CPPED1: variants seen among roughly 807,000 people sequenced by gnomAD.
The protein encoded by CPPED1 is serine/threonine-protein phosphatase CPPED1.
CPPED1 carries 28 observed loss-of-function variants against 28.0 expected under a neutral mutation model. The ratio of observed to expected loss-of-function variants is 1.00; its 90% CI spans 0.74 to 1.37. The LOEUF is 1.37. Among genes scored for constraint, CPPED1 ranks in the 40% most tolerant of loss-of-function variants. The probability of loss-of-function intolerance (pLI) is 0.00; values close to 1 mark genes in which losing one functional copy is unlikely to be tolerated. For missense variants in CPPED1, 504 were observed against 416.5 expected, an observed-to-expected ratio of 1.21 and a Z score of -1.83; for synonymous variants, 198 against 180.2, an observed-to-expected ratio of 1.10 and a Z score of -0.79.
At chr16:12,697,888 G>A (rs2080000301) in intron 3 of CPPED1, among the ~76,000 whole-genome samples, 1 of 152,132 alleles carries the variant, frequency 6.6e-6, no homozygotes, top group South Asian at 2.1e-4. Flanking sequence ...AAGGTGAGCG[G>A]ATCACTTGAG....
At chr16:12,665,192 G>C (rs2141163160) in intron 3 of CPPED1, 77 bp from the exon 4 acceptor site, 4 of 1,261,320 alleles carry the variant, frequency 3.2e-6, no homozygotes, top group Non-Finnish European at 4.4e-6. Context: ...ATTTTATTCT[G>C]TGAACAGTAA....
intron 3 of CPPED1, 29 bp from the exon 4 acceptor site, chr16:12,665,144 G>A (rs776301023): frequency 6.3e-7 from 1 of 1,576,186 alleles, no homozygotes. Flanking sequence ...GTCATTAGGG[G>A]GCCGAGGACT....
At chr16:12,714,962 T>A (rs80096928) in intron 2 of CPPED1, among the ~76,000 whole-genome samples, 5,151 of 151,886 alleles carry the variant, frequency 0.034, 132 homozygotes, top group East Asian at 0.1. Flanking sequence ...TGAGTTCATT[T>A]TTTTTTTTAA....
intron 3 of CPPED1, among the ~76,000 whole-genome samples, chr16:12,695,683 C>T (rs2079986154): frequency 1.3e-5 from 2 of 152,204 alleles, no homozygotes; most frequent in South Asian, 4.1e-4. Context: ...CAATCACAGG[C>T]AGTCAACTGT....
chr16:12,698,120 CA>C (rs1023136473), intron 3 of CPPED1, among the ~76,000 whole-genome samples: 2 of 151,538 alleles, frequency 1.3e-5, no homozygotes, highest in South Asian at 2.1e-4. Context: ...CAACCCCCAC[CA>C]AAAAAAAGTC....
Position 12,664,826 on chromosome 16 carries a change from T to C in CPPED1, c.*60A>G, listed in dbSNP as rs2079815613. 6.2e-7 allele frequency: 1 copy of C among 1,603,626 alleles called. No homozygotes were observed. Among genetic ancestry groups the C allele is most frequent in the Non-Finnish European group, 8.5e-7 (1 of 1,177,268 alleles). On this transcript the variant is annotated 3_prime_UTR_variant, in exon 4 of 4. Coordinates refer to ENST00000381774, the MANE Select transcript of CPPED1 (RefSeq NM_018340.3). The surrounding 1 kb of genome is among the most constrained non-coding windows in gnomAD (Gnocchi z 4.2). The stretch of plus-strand genomic sequence containing the variant: ...TCAGCAAGAGGTTGTGTGCAGCTGC[T>C]GTTTCTGGCAAAATAAAAAAATAGT...
Position 12,770,860 on chromosome 16 carries a change from G to GAAGGA in CPPED1, c.289+10320_289+10324dup, listed in dbSNP as rs371173782. ...AGGGCAGAAGGAAAGGAAAGGGAGAGAAGGAAAGGAAAGGAAAGGAAAGGA... is the reference window on the plus strand; with the variant it reads ...AGGGCAGAAGGAAAGGAAAGGGAGAGAAGGAAAGGAAAGGAAAGGAAAGGAAAGGA... On this transcript the variant is annotated intron_variant, in intron 2 of 3. Transcript: ENST00000381774. 6.3e-4 allele frequency among the ~76,000 whole-genome samples: 59 copies of GAAGGA among 93,932 alleles called. 1 individual carries two copies. The highest frequency in any genetic ancestry group is 1.4e-3 in the African/African-American group (41 of 28,646). The allele number at this position is 93,932 out of a possible 152,430, so 61.6% of individuals were successfully genotyped here. A position where few individuals can be genotyped will look rare whatever the true frequency, so the allele number is the denominator to read the frequency against.
At chr16:12,801,937 G>C (rs2080662429) in intron 1 of CPPED1, among the ~76,000 whole-genome samples, 1 of 152,158 alleles carries the variant, frequency 6.6e-6, no homozygotes, top group South Asian at 2.1e-4. Flanking sequence ...AAGCTGTCCT[G>C]AGAAAAGGAG....
chr16:12,766,124 C>T (rs559272307), intron 2 of CPPED1, among the ~76,000 whole-genome samples: 3 of 151,926 alleles, frequency 2.0e-5, no homozygotes, highest in South Asian at 2.1e-4. Context: ...CTGCAGAAGG[C>T]GTTCATTAGC....
intron 2 of CPPED1, among the ~76,000 whole-genome samples, chr16:12,775,800 T>A (rs1480408619): frequency 6.6e-6 from 1 of 152,160 alleles, no homozygotes. Context: ...GGAAAAGCAA[T>A]TCACTGCTCT....
chr16:12,726,333 C>A (rs2080169802), intron 2 of CPPED1, among the ~76,000 whole-genome samples: 1 of 133,770 alleles, frequency 7.5e-6, no homozygotes, highest in Non-Finnish European at 1.6e-5. Context: ...AGCCACTGCA[C>A]CCAGCCCTTT....
intron 1 of CPPED1, among the ~76,000 whole-genome samples, chr16:12,788,903 G>C (rs2080580011): frequency 6.6e-6 from 1 of 152,210 alleles, no homozygotes; most frequent in Admixed American, 6.5e-5. Flanking sequence ...GCACAGGGTT[G>C]ATTTGAGGCA....
intron 3 of CPPED1, among the ~76,000 whole-genome samples, chr16:12,681,351 C>T (rs745631981): frequency 1.3e-5 from 2 of 152,164 alleles, no homozygotes; most frequent in East Asian, 3.9e-4. Context: ...TTCCTCCTCA[C>T]TCTTGCCAGG....
Position 12,667,093 on chromosome 16 carries a change from G to A in CPPED1, c.716-1978C>T, listed in dbSNP as rs140973224. ...GAGGTAATGAAAACCACTAGAGAGA[G>A]AGAAGTTAGTCAAGAGAGAAAGAAT... On this transcript the variant is annotated intron_variant, in intron 3 of 3. Transcript: ENST00000381774. Among the ~76,000 whole-genome samples, 749 of 151,924 alleles carry A rather than the reference G, an allele frequency of 4.9e-3. 2 individuals carry two copies. Among genetic ancestry groups the A allele is most frequent in the Middle Eastern group, 0.01 (3 of 294 alleles).
At chr16:12,778,630 G>A (rs774279990) in intron 2 of CPPED1, among the ~76,000 whole-genome samples, 4 of 152,182 alleles carry the variant, frequency 2.6e-5, no homozygotes, top group Non-Finnish European at 5.9e-5. Context: ...GATTTTATTT[G>A]CCTATTAATA....
At chr16:12,754,532 G>A (rs7184792) in intron 2 of CPPED1, among the ~76,000 whole-genome samples, 119,484 of 152,188 alleles carry the variant, frequency 0.79, 47,423 homozygotes, top group African/African-American at 0.9. Context: ...TTATAAGCAG[G>A]TTCTTCATCT....
chr16:12,791,083 T>C (rs1357046743), intron 1 of CPPED1, among the ~76,000 whole-genome samples: 2 of 151,390 alleles, frequency 1.3e-5, no homozygotes, highest in Non-Finnish European at 2.9e-5. Context: ...AGTTCTGGGA[T>C]ACATGTGCAG....
intron 2 of CPPED1, chr16:12,745,852 AAGATGAAAAACAG>A (rs1214583091): frequency 6.6e-6 from 1 of 152,200 alleles, no homozygotes; most frequent in Non-Finnish European, 1.5e-5. Flanking sequence ...ACCTAAAATA[AAGATGAAAAACAG>A]AAGAAACATA....
chr16:12,782,501 C>T (rs944320292), intron 1 of CPPED1, among the ~76,000 whole-genome samples: 2 of 150,748 alleles, frequency 1.3e-5, no homozygotes, highest in Non-Finnish European at 2.9e-5. Context: ...AAATGGCCTG[C>T]TAGCGCTTAG....
Sources: gnomAD v4.1 joint callset for allele counts (sites outside exome capture counted in the v4.1 genomes callset) on GRCh38, gnomAD v4.1.1 for gene constraint, Gnocchi (gnomAD v3.1) non-coding constraint, MANE v1.5 for transcripts, NCBI Gene and HGNC (gene_info 2026-07-23, HGNC 2026-07-21) for gene names.